Variants in EFTUD2 observed in about 807,000 individuals in gnomAD.
EFTUD2 encodes the protein elongation factor Tu GTP binding domain containing 2.
EFTUD2 carries 9 observed loss-of-function variants against 114.3 expected under a neutral mutation model. That is an observed-to-expected ratio of 0.08 (90% CI 0.05 to 0.14). EFTUD2 has a LOEUF of 0.14. EFTUD2 is among the 10% of genes least tolerant of loss of function. The probability of loss-of-function intolerance (pLI) is 1.00; values close to 1 mark genes in which losing one functional copy is unlikely to be tolerated. For synonymous variants in EFTUD2, 449 were observed against 462.3 expected (o/e 0.97, Z 0.37); for missense variants, 765 against 1,241.2 (o/e 0.62, Z 5.76).
At chr17:44,885,420 G>T in intron 3 of EFTUD2, 86 bp from the exon 4 acceptor site, 1 of 899,946 alleles carries the variant, frequency 1.1e-6, no homozygotes, top group African/African-American at 1.7e-5. Context: ...TGACCTTTCA[G>T]AATGTATGAT....
intron 9 of EFTUD2, among the ~76,000 whole-genome samples, chr17:44,876,868 A>AAAAAC (rs2050964640): frequency 6.7e-6 from 1 of 150,160 alleles, no homozygotes; most frequent in Non-Finnish European, 1.5e-5. Flanking sequence ...AAAAAAAAAA[A>AAAAAC]AAAAAAAAAA....
chr17:44,884,752 T>C (rs2051135069), intron 4 of EFTUD2, among the ~76,000 whole-genome samples: 1 of 151,848 alleles, frequency 6.6e-6, no homozygotes, highest in African/African-American at 2.4e-5. Context: ...CCAGGCGTGG[T>C]GGTGTGTTCC....
intron 23 of EFTUD2, chr17:44,854,000 GAT>G (rs1316942571): frequency 1.5e-6 from 2 of 1,354,974 alleles, no homozygotes; most frequent in African/African-American, 2.9e-5. Flanking sequence ...TCATCCTCTT[GAT>G]ATCTCTTCTC....
At chr17:44,876,748 G>A (rs2050958429) in intron 9 of EFTUD2, among the ~76,000 whole-genome samples, 1 of 150,932 alleles carries the variant, frequency 6.6e-6, no homozygotes, top group African/African-American at 2.4e-5. Context: ...AGCTACTTGG[G>A]AGGCTGAGGC....
Position 44,894,464 on chromosome 17 carries a change from C to T in EFTUD2, c.58G>A (p.Asp20Asn), listed in dbSNP as rs1269382221. 1.2e-6 allele frequency: 2 copies of T among 1,614,070 alleles called. No homozygotes were observed. Among genetic ancestry groups the T allele is most frequent in the Non-Finnish European group, 1.7e-6 (2 of 1,180,012 alleles). ...CTACCCAATTCATCATCATCTTCATCAGAATCAAGCTCTGGTCCAATATAA... is the reference window on the plus strand; with the variant it reads ...CTACCCAATTCATCATCATCTTCATTAGAATCAAGCTCTGGTCCAATATAA... Reference protein sequence around the residue: ...GNYIGPELDSDEDDDELGRET... With the variant: ...GNYIGPELDSNEDDDELGRET... The change falls in exon 2 of 28, where the codon GAT becomes AAT. Residue 20 changes from aspartate to asparagine, a missense_variant. Physicochemically the swap from Asp to Asn is conservative, Grantham distance 23. This residue lies in a region of EFTUD2 where 121 missense variants were observed against 133.7 expected (regional missense o/e 0.90). Coordinates refer to ENST00000426333, the MANE Select transcript of EFTUD2 (RefSeq NM_004247.4).
At position 44,859,042 on chromosome 17, in the gene EFTUD2, T is replaced by C. The variant is rs1197390217; in HGVS notation, c.1962+38A>G. ...AGGATTTGGTCACTTGTGAAAAGTCTGGACCGTGAACCCAGCTCCCGGCAG... is the reference window on the plus strand; with the variant it reads ...AGGATTTGGTCACTTGTGAAAAGTCCGGACCGTGAACCCAGCTCCCGGCAG... On this transcript the variant is annotated intron_variant, in intron 19 of 27. Coordinates refer to ENST00000426333, the MANE Select transcript of EFTUD2 (RefSeq NM_004247.4). 2.2e-6 allele frequency: 3 copies of C among 1,374,932 alleles called. No homozygotes were observed. In the African/African-American group the frequency reaches 4.3e-5, roughly 20 times the overall value. 85.2% of individuals were successfully genotyped at this position (1,374,932 alleles called of 1,614,324 possible).
At chr17:44,866,232 T>C (rs957828596) in intron 13 of EFTUD2, among the ~76,000 whole-genome samples, 29 of 152,018 alleles carry the variant, frequency 1.9e-4, no homozygotes, top group African/African-American at 6.8e-4. Context: ...GCAAAGTTCA[T>C]ACGAACATGC....
In EFTUD2 at chr17:44,881,679, A is replaced by T; in HGVS notation, c.528+8T>A. 6.2e-7 allele frequency: 1 copy of T among 1,614,194 alleles called. No homozygotes were observed. ...AGGTGACAATCAGATTCCCCAAGGCATGCTTACCTCTTGCTCTGTGAAGAG... is the reference window on the plus strand; with the variant it reads ...AGGTGACAATCAGATTCCCCAAGGCTTGCTTACCTCTTGCTCTGTGAAGAG... On this transcript the variant is annotated splice_region_variant and intron_variant, in intron 7 of 27. Coordinates refer to ENST00000426333, the MANE Select transcript of EFTUD2 (RefSeq NM_004247.4).
chr17:44,895,624 G>T (rs2051370393), intron 1 of EFTUD2, among the ~76,000 whole-genome samples: 1 of 151,894 alleles, frequency 6.6e-6, no homozygotes, highest in Non-Finnish European at 1.5e-5. Flanking sequence ...GGCTCACAAA[G>T]CCTAAAATAT....
At chr17:44,881,567 G>T in intron 7 of EFTUD2, 120 bp downstream of exon 7, 1 of 1,048,678 alleles carries the variant, frequency 9.5e-7, no homozygotes, top group Non-Finnish European at 1.5e-6. Flanking sequence ...GTGAGAAGTG[G>T]AGAGAGAGGA....
At chr17:44,872,771 T>C (rs1484526033) in intron 10 of EFTUD2, 9 of 446,236 alleles carry the variant, frequency 2.0e-5, no homozygotes, top group Admixed American at 1.3e-4. Context: ...AACAAGTTGA[T>C]TTCCCAGAGC....
rs754755141 is a variant in EFTUD2 at position 44,864,977 on chromosome 17, C to T, written c.1238G>A (p.Arg413His). The T allele has an allele frequency of 8.6e-5, 139 of 1,614,002 alleles. No homozygotes were observed. The highest frequency in any genetic ancestry group is 1.2e-4 in the Non-Finnish European group (137 of 1,180,048). ...LTKEELKLNI[R>H]PLLRLVCKKF... ...TTTGCAGACCAGCCTGAGCAAGGGG[C>T]GGATGTTCAGCTTCAGCTCCTCCTT... is the stretch of plus-strand genomic sequence containing the variant. Residue 413 changes from arginine (R) to histidine (H), a missense_variant, in exon 14 of 28, where the codon CGC (arginine) becomes CAC (histidine). Arg to His is a conservative substitution (Grantham distance 29). This residue lies in a region of EFTUD2 where 251 missense variants were observed against 357.7 expected (regional missense o/e 0.70). Coordinates refer to ENST00000426333, the MANE Select transcript of EFTUD2 (RefSeq NM_004247.4).
intron 10 of EFTUD2, 67 bp from the exon 11 acceptor site, chr17:44,872,637 G>A: frequency 6.7e-7 from 1 of 1,499,002 alleles, no homozygotes; most frequent in Non-Finnish European, 8.9e-7. Context: ...CCAAGGGGAA[G>A]GGCAGGAACT....
chr17:44,870,068 G>C (rs1381029353), intron 11 of EFTUD2, among the ~76,000 whole-genome samples: 1 of 152,176 alleles, frequency 6.6e-6, no homozygotes, highest in Non-Finnish European at 1.5e-5. Flanking sequence ...TGAAGAGGAC[G>C]ACTCAATGAT....
chr17:44,893,967 G>A (rs1016357761), intron 2 of EFTUD2, among the ~76,000 whole-genome samples: 6 of 152,034 alleles, frequency 3.9e-5, no homozygotes, highest in African/African-American at 1.2e-4. Flanking sequence ...TACTCAGGAG[G>A]CTGAGGCATT....
At chr17:44,872,226 C>T (rs2050868043) in intron 11 of EFTUD2, among the ~76,000 whole-genome samples, 1 of 152,182 alleles carries the variant, frequency 6.6e-6, no homozygotes, top group African/African-American at 2.4e-5. Context: ...CCTTCTTCTC[C>T]CATGTCCTCC....
rs529809758 is a variant in EFTUD2 at position 44,881,306 on chromosome 17, A to G, written c.528+381T>C. On this transcript the variant is annotated intron_variant, in intron 7 of 27. Transcript: ENST00000426333. ...ATTTTCAAAGAGAAGCTACTCCTAGAAAGAGGTCATCATATGGATGGACTC... is the reference window on the plus strand; with the variant it reads ...ATTTTCAAAGAGAAGCTACTCCTAGGAAGAGGTCATCATATGGATGGACTC... 1.0e-4 allele frequency among the ~76,000 whole-genome samples: 16 copies of G among 152,388 alleles called. No homozygotes were observed. In the South Asian group the frequency reaches 3.3e-3, roughly 32 times the overall value.
Position 44,886,735 on chromosome 17 carries a change from C to A in EFTUD2, c.121G>T (p.Asp41Tyr), listed in dbSNP as rs781005961. The A allele has an allele frequency of 5.0e-6, 8 of 1,613,682 alleles. No individual in the cohort carries two copies. In the South Asian group the frequency reaches 8.8e-5, roughly 18 times the overall value. Residue 41 changes from aspartate (D) to tyrosine (Y), a missense_variant, in exon 3 of 28, where the codon GAC (aspartate) becomes TAC (tyrosine). Around this residue, in one of 6 missense-constraint regions of EFTUD2, gnomAD observed 121 missense variants for 133.7 expected, o/e 0.90. Transcript: ENST00000426333. ...KDLDEMDDDD[D>Y]DDDVGDHDDD... ...TCATGATCTCCTACGTCATCGTCGT[C>A]GTCATCATCATCCATCTGAAAGCAA...
At chr17:44,883,227 C>T (rs2051105019) in intron 5 of EFTUD2, 69 bp from the exon 6 acceptor site, 5 of 1,398,894 alleles carry the variant, frequency 3.6e-6, no homozygotes, top group East Asian at 2.3e-5. Flanking sequence ...TCCCCCAGCT[C>T]CCAATACACC....
Sources: gnomAD v4.1 joint callset for allele counts (sites outside exome capture counted in the v4.1 genomes callset) on GRCh38, gnomAD v4.1.1 for gene constraint, gnomAD v4.1.1 regional missense constraint, MANE v1.5 for transcripts, NCBI Gene and HGNC (gene_info 2026-07-23, HGNC 2026-07-21) for gene names.